Variants in ENG observed in about 807,000 individuals in gnomAD.
ENG encodes the protein endoglin.
Under a neutral mutation model 71.0 loss-of-function variants are expected in ENG, and 17 were observed. The observed-to-expected ratio is 0.24, with a 90% CI of 0.16 to 0.36. ENG has a LOEUF of 0.36. Ranked by LOEUF, ENG falls within the 10% of genes least tolerant of loss-of-function variation. The pLI, the probability that ENG is intolerant of heterozygous loss-of-function variation, is 1.00. For synonymous variants in ENG, 360 were observed against 366.9 expected (o/e 0.98, Z 0.21); for missense variants, 749 against 868.3 (o/e 0.86, Z 1.73).
chr9:127,843,038 C>T (rs1564462652), intron 2 of ENG, 56 bp downstream of exon 2: 14 of 1,612,056 alleles, frequency 8.7e-6, no homozygotes, highest in Non-Finnish European at 1.2e-5. Flanking sequence ...CCCCTCACCC[C>T]ATCTGCCTTG....
rs1414252682 is a variant in ENG, at chr9:127,830,749, C to G, written c.220-922G>C. Among the ~76,000 whole-genome samples, 6 of 152,052 alleles carry G rather than the reference C, an allele frequency of 3.9e-5. No homozygotes were observed. The East Asian group carries it at 1.2e-3, about 29-fold the overall frequency. Reference sequence around the variant, plus strand: ...TTGTGTACTGGGCCTTAGGGAGTGTCCTGTGCATGGAGGCAGCGATCCCCT... The same window carrying G: ...TTGTGTACTGGGCCTTAGGGAGTGTGCTGTGCATGGAGGCAGCGATCCCCT... On this transcript the variant is annotated intron_variant, in intron 2 of 14. Coordinates refer to ENST00000373203, the MANE Select transcript of ENG (RefSeq NM_001114753.3).
chr9:127,825,792 G>T lies in ENG; in HGVS notation c.592C>A (p.Pro198Thr), dbSNP rs902721446. The T allele has an allele frequency of 2.5e-6, 4 of 1,594,264 alleles. No homozygotes were observed. The highest frequency in any genetic ancestry group is 3.4e-6 in the Non-Finnish European group (4 of 1,171,842). Residue 198 changes from proline (P) to threonine (T), a missense_variant, in exon 5 of 15, where the codon CCG becomes ACG. Transcript: ENST00000373203. The stretch of plus-strand genomic sequence containing the variant: ...CCCCGGACCAAGGCTGGAGTACGCG[G>T]CCGCCACTCGAGCGTGCGGCCCATG... ...QDMGRTLEWR[P>T]RTPALVRGCH...
intron 3 of ENG, among the ~76,000 whole-genome samples, 176 bp downstream of exon 3, chr9:127,829,511 G>A (rs760487613): frequency 6.6e-6 from 1 of 152,094 alleles, no homozygotes; most frequent in African/African-American, 2.4e-5. Flanking sequence ...TGCCCTCTGG[G>A]TTCTCTCTGG....
Position 127,828,019 on chromosome 9 carries a change from CAA to C in ENG, c.361-1349_361-1348del, listed in dbSNP as rs997493323. Among the ~76,000 whole-genome samples, 29 of 31,188 alleles carry C rather than the reference CAA, an allele frequency of 9.3e-4. No homozygotes were observed. In the East Asian group the frequency reaches 0.01, roughly 11 times the overall value. The allele number at this position is 31,188 out of a possible 152,430, so 20.5% of individuals were successfully genotyped here. On this transcript the variant is annotated intron_variant, in intron 3 of 14. Coordinates refer to ENST00000373203, the MANE Select transcript of ENG (RefSeq NM_001114753.3). ...GGGCAACAAGAGTGAAACTCCATCT[CAA>C]AAAAAAAAAAAAAAAAAAAAAAAGG...
At chr9:127,817,678 G>A (rs904673468) in intron 12 of ENG, 1 of 351,262 alleles carries the variant, frequency 2.8e-6, no homozygotes, top group Non-Finnish European at 5.4e-6. Context: ...GAGAGTGGGG[G>A]TCACCAGATG....
intron 2 of ENG, among the ~76,000 whole-genome samples, chr9:127,832,061 C>T (rs1830779432): frequency 7.0e-6 from 1 of 143,246 alleles, no homozygotes; most frequent in Non-Finnish European, 1.5e-5. Context: ...CAGACATGAG[C>T]TACCATTCTT....
chr9:127,819,692 G>C (rs1830426718), intron 9 of ENG, 32 bp from the exon 10 acceptor site: 2 of 1,597,140 alleles, frequency 1.3e-6, no homozygotes, highest in Non-Finnish European at 1.7e-6. Context: ...GCTGGTCAGA[G>C]CCAGAAAGGA....
chr9:127,854,079 G>T (rs1406844643), intron 1 of ENG, among the ~76,000 whole-genome samples: 1 of 152,256 alleles, frequency 6.6e-6, no homozygotes, highest in Non-Finnish European at 1.5e-5. Context: ...GAAAGAGTCA[G>T]CCCAGTTTGC....
At position 127,818,910 on chromosome 9, in the gene ENG, C is replaced by T. The variant is rs1346721270; in HGVS notation, c.1312-78G>A. On this transcript the variant is annotated intron_variant, in intron 10 of 14. Transcript: ENST00000373203. The stretch of plus-strand genomic sequence containing the variant: ...GGCGAGGGGTGTGGGGAGGAACAGG[C>T]ATCATGGCCCTGTGGAGTTGCCTGA... The T allele has an allele frequency of 2.5e-6, 3 of 1,218,266 alleles. No individual in the cohort carries two copies. In the African/African-American group the frequency reaches 4.5e-5, roughly 18 times the overall value. 75.5% of individuals were successfully genotyped at this position (1,218,266 alleles called of 1,614,324 possible). A position where few individuals can be genotyped will look rare whatever the true frequency, so the allele number is the denominator to read the frequency against.
At chr9:127,818,687 G>T in intron 11 of ENG, 29 bp downstream of exon 11, 2 of 1,606,018 alleles carry the variant, frequency 1.2e-6, no homozygotes, top group Admixed American at 1.7e-5. Context: ...GAGCTGGGAG[G>T]CCCGAGGGGT....
rs769530262 is a variant in ENG, at chr9:127,824,382, C to T, written c.1056G>A (p.Pro352=). ...QTTPPKDTCS[P]ELLMSLIQTK... The stretch of plus-strand genomic sequence containing the variant: ...TCTGGATCAAGGACATGAGCAGCTC[C>T]GGGCTACAAGTGTCCTTGGGAGGAG... Residue 352 remains proline, a synonymous_variant, in exon 8 of 15, where the codon CCG becomes CCA. Transcript: ENST00000373203. The T allele has an allele frequency of 2.4e-5, 39 of 1,613,952 alleles. No homozygotes were observed. Among genetic ancestry groups the T allele is most frequent in the East Asian group, 6.7e-5 (3 of 44,900 alleles).
In ENG at chr9:127,829,548, G is replaced by A. The variant is rs561548311; in HGVS notation, c.360+139C>T. 1.2e-5 allele frequency: 14 copies of A among 1,180,020 alleles called. No individual in the cohort carries two copies. The African/African-American group carries it at 1.7e-4, about 14-fold the overall frequency. The allele number at this position is 1,180,020 out of a possible 1,614,324, so 73.1% of individuals were successfully genotyped here. ...AGAGACCATTGGCTTCACCAGGCAGGACCCTGGTGAATAATGTCAAGATGA... is the reference window on the plus strand; with the variant it reads ...AGAGACCATTGGCTTCACCAGGCAGAACCCTGGTGAATAATGTCAAGATGA... On this transcript the variant is annotated intron_variant, in intron 3 of 14. Transcript: ENST00000373203.
intron 2 of ENG, among the ~76,000 whole-genome samples, chr9:127,842,733 T>C (rs1831068540): frequency 6.6e-6 from 1 of 152,164 alleles, no homozygotes; most frequent in South Asian, 2.1e-4. Context: ...CAAGAAGCAC[T>C]TTTCAAAGTC....
intron 4 of ENG, 44 bp downstream of exon 4, chr9:127,826,466 C>T (rs1231349730): frequency 1.2e-6 from 2 of 1,612,940 alleles, no homozygotes; most frequent in Non-Finnish European, 1.7e-6. Context: ...CAGATTCCTC[C>T]TGAGCAGTAT....
chr9:127,849,127 C>G (rs1397849337), intron 1 of ENG, among the ~76,000 whole-genome samples: 1 of 152,176 alleles, frequency 6.6e-6, no homozygotes, highest in Non-Finnish European at 1.5e-5. Context: ...GCCACTCTGG[C>G]TCATACCCCT....
chr9:127,845,809 C>A (rs912373795), intron 1 of ENG, among the ~76,000 whole-genome samples: 1 of 152,208 alleles, frequency 6.6e-6, no homozygotes, highest in African/African-American at 2.4e-5. Flanking sequence ...TGGGTTCAAG[C>A]GATCCTCCTG....
intron 3 of ENG, among the ~76,000 whole-genome samples, chr9:127,828,353 G>T (rs1482530858): frequency 6.6e-6 from 1 of 152,160 alleles, no homozygotes; most frequent in Non-Finnish European, 1.5e-5. Context: ...AGCAGGGCAC[G>T]ACGTCTGTTG....
intron 3 of ENG, chr9:127,827,084 C>G (rs1466068553): frequency 5.0e-6 from 1 of 200,162 alleles, no homozygotes; most frequent in African/African-American, 2.3e-5. Flanking sequence ...GTAGTACGCA[C>G]TGAGAGAGAT....
At chr9:127,818,911 A>T in intron 10 of ENG, 79 bp from the exon 11 acceptor site, 2 of 1,226,544 alleles carry the variant, frequency 1.6e-6, no homozygotes, top group Non-Finnish European at 2.4e-6. Flanking sequence ...AGGAACAGGC[A>T]TCATGGCCCT....
Sources: allele counts gnomAD v4.1 joint callset (sites outside exome capture counted in the v4.1 genomes callset), GRCh38; gene constraint gnomAD v4.1.1; transcripts MANE v1.5; gene names NCBI Gene and HGNC (gene_info 2026-07-23, HGNC 2026-07-21).